Variants in DNAAF6 observed in about 807,000 individuals in gnomAD.
DNAAF6 encodes the protein dynein axonemal assembly factor 6, also known as PIH1 domain containing 3.
In DNAAF6, 3 loss-of-function variants were observed where a neutral mutation model predicts 13.7. That is an observed-to-expected ratio of 0.22 (90% CI 0.10 to 0.56). The LOEUF (loss-of-function observed/expected upper bound fraction) is 0.56. Among genes scored for constraint, DNAAF6 ranks in the 20% least tolerant of loss-of-function variants. DNAAF6 has a pLI of 0.92. For missense variants in DNAAF6, 130 were observed against 151.0 expected (o/e 0.86, Z 0.73); for synonymous variants, 54 against 49.2 (o/e 1.10, Z -0.41).
intron 6 of DNAAF6, among the ~76,000 whole-genome samples, chrX:107,239,706 C>A (rs1469300913): frequency 8.9e-6 from 1 of 111,754 alleles, no homozygotes; most frequent in Admixed American, 9.5e-5. Flanking sequence ...ACCCAATATG[C>A]ATATGTAGCT....
In DNAAF6 at chrX:107,243,365, T is replaced by C; in HGVS notation, c.*67T>C. 1 of 1,136,916 alleles carries C rather than the reference T, an allele frequency of 8.8e-7. No individual in the cohort carries two copies. The highest frequency in any genetic ancestry group is 1.2e-6 in the Non-Finnish European group (1 of 852,056). The allele number at this position is 1,136,916 out of a possible 1,213,427, so 93.7% of individuals were successfully genotyped here. On this transcript the variant is annotated 3_prime_UTR_variant, in exon 7 of 7. Transcript: ENST00000372453. ...AACAATTAAAAAACTTTGAAAAAAA[T>C]GATTGTTTTCTATATTCTCTTTATT...
intron 4 of DNAAF6, among the ~76,000 whole-genome samples, chrX:107,220,741 G>C (rs1196490311): frequency 9.0e-6 from 1 of 111,174 alleles, no homozygotes; most frequent in African/African-American, 3.3e-5. Context: ...TTTGGATGAA[G>C]AGTTGGTATT....
intron 1 of DNAAF6, among the ~76,000 whole-genome samples, chrX:107,208,859 G>T (rs1006709397): frequency 8.9e-6 from 1 of 111,745 alleles, no homozygotes; most frequent in African/African-American, 3.3e-5. Flanking sequence ...TTTTGATTTA[G>T]TAATCAATAA....
At chrX:107,215,093 G>A (rs1393138641) in intron 2 of DNAAF6, among the ~76,000 whole-genome samples, 1 of 111,635 alleles carries the variant, frequency 9.0e-6, no homozygotes, top group Non-Finnish European at 1.9e-5. Flanking sequence ...GTAGATTCAT[G>A]GTAAAGGCTC....
intron 5 of DNAAF6, among the ~76,000 whole-genome samples, chrX:107,225,549 C>G (rs139364971): frequency 4.1e-4 from 46 of 110,913 alleles, no homozygotes; most frequent in African/African-American, 1.4e-3. Flanking sequence ...TGGACCTGGT[C>G]TATATGTAAC....
intron 4 of DNAAF6, among the ~76,000 whole-genome samples, chrX:107,221,936 T>C (rs1928152354): frequency 9.2e-6 from 1 of 108,471 alleles, no homozygotes; most frequent in African/African-American, 3.3e-5. Flanking sequence ...ATAATAATAA[T>C]AATAATAATT....
At chrX:107,207,774 A>T (rs1019893579) in intron 1 of DNAAF6, among the ~76,000 whole-genome samples, 3 of 111,083 alleles carry the variant, frequency 2.7e-5, no homozygotes, top group African/African-American at 9.8e-5. Context: ...TCCACTAAAA[A>T]TACAAAAATT....
chrX:107,225,854 GC>G (rs749031893), intron 5 of DNAAF6, among the ~76,000 whole-genome samples: 1 of 111,986 alleles, frequency 8.9e-6, no homozygotes, highest in Non-Finnish European at 1.9e-5. Flanking sequence ...CTCTGCAACT[GC>G]TTTACTCCTG....
At chrX:107,209,759 GATTTT>G (rs1167742225) in intron 1 of DNAAF6, among the ~76,000 whole-genome samples, 3 of 111,845 alleles carry the variant, frequency 2.7e-5, no homozygotes, top group Non-Finnish European at 5.6e-5. Context: ...TTATCACCCT[GATTTT>G]ATTTACCATA....
At chrX:107,218,791 G>A (rs1478111349) in intron 3 of DNAAF6, 73 bp from the exon 4 acceptor site, 13 of 1,003,134 alleles carry the variant, frequency 1.3e-5, no homozygotes, top group Non-Finnish European at 1.6e-5. Flanking sequence ...CAAACTGAGT[G>A]TGAAGAAGAA....
intron 5 of DNAAF6, 126 bp downstream of exon 5, chrX:107,222,967 G>A (rs1045209972): frequency 5.8e-6 from 5 of 866,298 alleles, no homozygotes; most frequent in African/African-American, 2.1e-5. Flanking sequence ...TATGTTTCAC[G>A]TACTAGGGTA....
chrX:107,239,314 A>G (rs1212611698), intron 6 of DNAAF6, among the ~76,000 whole-genome samples: 2 of 111,981 alleles, frequency 1.8e-5, no homozygotes, highest in Non-Finnish European at 3.8e-5. Flanking sequence ...ATTAAGTTGT[A>G]AGTCTTATAT....
intron 5 of DNAAF6, among the ~76,000 whole-genome samples, chrX:107,236,839 T>G (rs1217644784): frequency 4.5e-5 from 5 of 112,028 alleles, no homozygotes; most frequent in Non-Finnish European, 9.4e-5. Context: ...TGAGTTAACA[T>G]GTGACGTTAA....
intron 5 of DNAAF6, among the ~76,000 whole-genome samples, chrX:107,233,280 G>GTGAT (rs1928450165): frequency 9.0e-6 from 1 of 111,544 alleles, no homozygotes; most frequent in Non-Finnish European, 1.9e-5. Flanking sequence ...TCTCAGTAAA[G>GTGAT]TGATTACTAC....
intron 4 of DNAAF6, among the ~76,000 whole-genome samples, 172 bp from the exon 5 acceptor site, chrX:107,222,573 T>G (rs1928170106): frequency 8.9e-6 from 1 of 112,023 alleles, no homozygotes; most frequent in African/African-American, 3.2e-5. Flanking sequence ...ACCACATTTC[T>G]AGACTTCTTT....
At chrX:107,209,262 A>G (rs1372160554) in intron 1 of DNAAF6, among the ~76,000 whole-genome samples, 8 of 87,958 alleles carry the variant, frequency 9.1e-5, no homozygotes, top group African/African-American at 4.7e-4. Context: ...CAATCTAGGA[A>G]AGCTGATTTA....
intron 2 of DNAAF6, among the ~76,000 whole-genome samples, chrX:107,214,613 T>C (rs1927934694): frequency 8.9e-6 from 1 of 111,846 alleles, no homozygotes; most frequent in Non-Finnish European, 1.9e-5. Context: ...TGATTCTGTA[T>C]ATCTGGGTTA....
chrX:107,215,845 G>T (rs1010909421), intron 2 of DNAAF6, among the ~76,000 whole-genome samples: 1 of 111,640 alleles, frequency 9.0e-6, no homozygotes, highest in Non-Finnish European at 1.9e-5. Flanking sequence ...GAGCTGCAGG[G>T]TCTGTCATCA....
intron 5 of DNAAF6, among the ~76,000 whole-genome samples, chrX:107,238,136 G>C (rs1227734662): frequency 9.0e-6 from 1 of 111,520 alleles, no homozygotes; most frequent in Non-Finnish European, 1.9e-5. Context: ...CCTTTTTATG[G>C]CTGAATAATA....
Sources: gnomAD v4.1 joint callset for allele counts (sites outside exome capture counted in the v4.1 genomes callset) on GRCh38, gnomAD v4.1.1 for gene constraint, MANE v1.5 for transcripts, NCBI Gene and HGNC (gene_info 2026-07-23, HGNC 2026-07-21) for gene names.